ZSCAN25: variants seen among roughly 807,000 people sequenced by gnomAD.
ZSCAN25 encodes zinc finger and SCAN domain-containing protein 25.
Under a neutral mutation model 38.7 loss-of-function variants are expected in ZSCAN25, and 27 were observed. That is an observed-to-expected ratio of 0.70 (90% CI 0.51 to 0.96). The LOEUF (loss-of-function observed/expected upper bound fraction) is 0.96, where lower values mean the gene tolerates loss of function less well. ZSCAN25 is among the 40% of genes least tolerant of loss of function. The pLI is 0.00. For synonymous variants in ZSCAN25, 273 were observed against 277.7 expected (o/e 0.98, Z 0.17); for missense variants, 637 against 705.9 (o/e 0.90, Z 1.11).
chr7:99,627,865 T>C (rs542192735), intron 7 of ZSCAN25, among the ~76,000 whole-genome samples: 4 of 151,968 alleles, frequency 2.6e-5, no homozygotes, highest in Non-Finnish European at 5.9e-5. Context: ...ATATGCAGGG[T>C]ATAGTGATGG....
chr7:99,657,272 G>A, the ZSCAN25 span, among the ~76,000 whole-genome samples: 1 of 152,130 alleles, frequency 6.6e-6, no homozygotes, highest in African/African-American at 2.4e-5. Context: ...CAGAGATTCT[G>A]GTATGTTGTG....
At chr7:99,643,436 T>G in the ZSCAN25 span, among the ~76,000 whole-genome samples, 1 of 152,176 alleles carries the variant, frequency 6.6e-6, no homozygotes, top group Non-Finnish European at 1.5e-5. Context: ...CCCCTTTTTT[T>G]TTCATGTTCA....
the ZSCAN25 span, among the ~76,000 whole-genome samples, chr7:99,718,255 T>TA: frequency 6.6e-6 from 1 of 152,088 alleles, no homozygotes; most frequent in Non-Finnish European, 1.5e-5. Context: ...ACATGTACCC[T>TA]AAAAAAAGTA....
chr7:99,626,478 G>A lies in ZSCAN25; in HGVS notation c.805+2298G>A, dbSNP rs184178385. Among the ~76,000 whole-genome samples, 18 of 152,324 alleles carry A rather than the reference G, an allele frequency of 1.2e-4. No individual in the cohort carries two copies. The East Asian group carries it at 3.5e-3, about 29-fold the overall frequency. On this transcript the variant is annotated intron_variant, in intron 7 of 7. Transcript: ENST00000394152. ...TGGGGTAAGAGCAGGAACCAGGCCA[G>A]TGGTCATGTAGAAGGGGGTTTACTG...
intron 7 of ZSCAN25, among the ~76,000 whole-genome samples, chr7:99,624,792 A>T (rs1366241957): frequency 6.6e-6 from 1 of 151,984 alleles, no homozygotes; most frequent in African/African-American, 2.4e-5. Context: ...TGGGAGGAGG[A>T]GCAGCGAGAG....
the ZSCAN25 span, among the ~76,000 whole-genome samples, chr7:99,704,852 C>T: frequency 6.6e-6 from 1 of 152,032 alleles, no homozygotes; most frequent in Admixed American, 6.5e-5. Context: ...ATCCCAGCTA[C>T]TCAGGAGGTT....
chr7:99,663,482 C>A, the ZSCAN25 span: 1 of 991,118 alleles, frequency 1.0e-6, no homozygotes, highest in South Asian at 4.6e-5. Context: ...AGAGAAGACC[C>A]CTGTTCACTC....
chr7:99,656,593 C>T, the ZSCAN25 span, among the ~76,000 whole-genome samples: 1 of 152,290 alleles, frequency 6.6e-6, no homozygotes, highest in Non-Finnish European at 1.5e-5. Flanking sequence ...ATGCTGGCCT[C>T]ATAAAATGAG....
At chr7:99,718,877 A>G in the ZSCAN25 span, among the ~76,000 whole-genome samples, 1,452 of 152,360 alleles carry the variant, frequency 9.5e-3, 19 homozygotes, top group African/African-American at 0.033. Context: ...ATCTGAAAAT[A>G]CAAGAAAAAC....
downstream of ZSCAN25, among the ~76,000 whole-genome samples, chr7:99,632,986 G>GTTGTTGTTTTTTTTTTGTTTTT (rs1808107818): frequency 7.1e-6 from 1 of 141,482 alleles, no homozygotes; most frequent in Admixed American, 7.0e-5. Flanking sequence ...TGCATTTTCT[G>GTTGTTGTTTTTTTTTTGTTTTT]TTGTTTTTTT....
chr7:99,708,829 G>T, the ZSCAN25 span, among the ~76,000 whole-genome samples: 1 of 152,230 alleles, frequency 6.6e-6, no homozygotes, highest in South Asian at 2.1e-4. Flanking sequence ...ATCTTAAGTT[G>T]CTGGGACTGT....
At chr7:99,672,653 A>C in the ZSCAN25 span, 193 of 1,614,170 alleles carry the variant, frequency 1.2e-4, 1 homozygote, top group Middle Eastern at 8.3e-4. Flanking sequence ...TGTGATGGCC[A>C]GCACAGGGAG....
the ZSCAN25 span, among the ~76,000 whole-genome samples, chr7:99,720,002 CAA>C: frequency 2.6e-5 from 4 of 151,482 alleles, no homozygotes; most frequent in African/African-American, 9.8e-5. Context: ...GTCCGAAAAA[CAA>C]ACAACAAACA....
chr7:99,730,250 A>G, the ZSCAN25 span, among the ~76,000 whole-genome samples: 10 of 152,238 alleles, frequency 6.6e-5, no homozygotes, highest in Admixed American at 6.5e-4. Context: ...AATTTTGTCA[A>G]ATCATCCCCT....
At chr7:99,625,460 A>G (rs1045011497) in intron 7 of ZSCAN25, among the ~76,000 whole-genome samples, 1 of 152,166 alleles carries the variant, frequency 6.6e-6, no homozygotes, top group African/African-American at 2.4e-5. Context: ...TGCATGTAAT[A>G]GTGGGATACG....
the ZSCAN25 span, among the ~76,000 whole-genome samples, chr7:99,653,605 C>T: frequency 6.6e-6 from 1 of 152,160 alleles, no homozygotes; most frequent in Non-Finnish European, 1.5e-5. The surrounding 1 kb of genome is among the most constrained non-coding windows in gnomAD (Gnocchi z 4.2). Flanking sequence ...GAACCCCACA[C>T]TCAGCCCCAT....
At chr7:99,675,633 T>TCTCCC in the ZSCAN25 span, among the ~76,000 whole-genome samples, 1 of 4,996 alleles carries the variant, frequency 2.0e-4, no homozygotes. Context: ...TTTTCTCTCC[T>TCTCCC]CTCCTCTCCT....
Position 99,624,060 on chromosome 7 carries a change from T to C in ZSCAN25, c.685T>C (p.Leu229=), listed in dbSNP as rs1807241134. 1 of 1,613,996 alleles carries C rather than the reference T, an allele frequency of 6.2e-7. No homozygotes were observed. Among genetic ancestry groups the C allele is most frequent in the South Asian group, 1.1e-5 (1 of 91,090 alleles). ...TAGCAATCTCCTATTGTTGCAGGGGTTGGGGCCATTTAAAGATATGGCCCT... is the reference window on the plus strand; with the variant it reads ...TAGCAATCTCCTATTGTTGCAGGGGCTGGGGCCATTTAAAGATATGGCCCT... ...AGFFTAGSQG[L]GPFKDMALAF... The change falls in exon 7 of 8, where the codon TTG becomes CTG. Residue 229 remains leucine, a synonymous_variant. Transcript: ENST00000394152.
chr7:99,713,566 G>A, the ZSCAN25 span: 3 of 1,612,836 alleles, frequency 1.9e-6, no homozygotes, highest in Non-Finnish European at 2.5e-6. Context: ...TTTATTGACA[G>A]AAAGTGACTC....
Sources: allele counts gnomAD v4.1 joint callset (sites outside exome capture counted in the v4.1 genomes callset), GRCh38; gene constraint gnomAD v4.1.1; non-coding constraint Gnocchi (gnomAD v3.1); transcripts MANE v1.5; gene names NCBI Gene and HGNC (gene_info 2026-07-23, HGNC 2026-07-21).